Variants in DOCK4 observed in about 807,000 individuals in gnomAD.
The protein encoded by DOCK4 is dedicator of cytokinesis protein 4.
DOCK4 carries 97 observed loss-of-function variants against 268.1 expected under a neutral mutation model. The ratio of observed to expected loss-of-function variants is 0.36; its 90% CI spans 0.31 to 0.43. The LOEUF (loss-of-function observed/expected upper bound fraction) is 0.43, where lower values mean the gene tolerates loss of function less well. Ranked by LOEUF, DOCK4 falls within the 20% of genes least tolerant of loss-of-function variation. DOCK4 has a pLI of 1.00. For synonymous variants in DOCK4, 954 were observed against 887.2 expected (o/e 1.08, Z -1.34); for missense variants, 2,145 against 2,455.7 (o/e 0.87, Z 2.67).
chr7:111,815,068 A>G (rs1272363847), intron 27 of DOCK4, among the ~76,000 whole-genome samples: 1 of 152,236 alleles, frequency 6.6e-6, no homozygotes, highest in Non-Finnish European at 1.5e-5. Context: ...ATCAAAATTA[A>G]ATTATTTTAC....
At chr7:111,878,872 G>A (rs540978649) in intron 16 of DOCK4, among the ~76,000 whole-genome samples, 11 of 152,196 alleles carry the variant, frequency 7.2e-5, no homozygotes, top group African/African-American at 2.2e-4. Context: ...TGGGTCCTAG[G>A]TAAACTTAAA....
chr7:111,848,428 C>T (rs1341388715), intron 23 of DOCK4, among the ~76,000 whole-genome samples: 2 of 152,188 alleles, frequency 1.3e-5, no homozygotes, highest in Non-Finnish European at 2.9e-5. Flanking sequence ...TTTTGAACAA[C>T]AGGTCTTGTA....
At chr7:111,959,626 C>G (rs1796709575) in intron 8 of DOCK4, among the ~76,000 whole-genome samples, 1 of 152,138 alleles carries the variant, frequency 6.6e-6, no homozygotes. Context: ...GGCCAAATAA[C>G]AATTCTCCCT....
intron 8 of DOCK4, among the ~76,000 whole-genome samples, chr7:111,976,192 G>A (rs56122449): frequency 0.026 from 1,167 of 45,024 alleles, 132 homozygotes; most frequent in African/African-American, 0.11. Context: ...ACACACACAC[G>A]CACACACGCA....
chr7:112,076,088 C>T (rs1808042894), intron 1 of DOCK4, among the ~76,000 whole-genome samples: 2 of 152,044 alleles, frequency 1.3e-5, no homozygotes, highest in African/African-American at 4.8e-5. Context: ...GACTTTAATG[C>T]TAAAAATATT....
intron 1 of DOCK4, among the ~76,000 whole-genome samples, chr7:112,092,500 C>T (rs573171727): frequency 3.9e-5 from 6 of 152,236 alleles, no homozygotes; most frequent in Admixed American, 3.3e-4. Context: ...CTCTTGCTAA[C>T]GACCTAACGG....
chr7:111,914,808 C>A (rs2134522345), intron 13 of DOCK4, among the ~76,000 whole-genome samples: 1 of 152,280 alleles, frequency 6.6e-6, no homozygotes, highest in East Asian at 1.9e-4. Flanking sequence ...TTATAATTTT[C>A]CTTATTACAA....
At position 111,832,772 on chromosome 7, in the gene DOCK4, G is replaced by A. The variant is rs551382815; in HGVS notation, c.2835+1816C>T. Among the ~76,000 whole-genome samples, 792 of 152,232 alleles carry A rather than the reference G, an allele frequency of 5.2e-3. 7 individuals are homozygous for A. The highest frequency in any genetic ancestry group is 5.3e-3 in the Non-Finnish European group (362 of 68,018). ...TGATCTCAGGTGATCCACCCACCTC[G>A]GCCTCCCAAAGTGCTGGGATTACAG... On this transcript the variant is annotated intron_variant, in intron 26 of 52. Coordinates refer to ENST00000428084, the MANE Select transcript of DOCK4 (RefSeq NM_001363540.2).
intron 44 of DOCK4, among the ~76,000 whole-genome samples, chr7:111,742,939 C>A (rs1796019528): frequency 6.6e-6 from 1 of 151,778 alleles, no homozygotes; most frequent in Non-Finnish European, 1.5e-5. Flanking sequence ...TTGTAGTGAG[C>A]CAAGATCATG....
chr7:112,153,566 A>C (rs1816305148), intron 1 of DOCK4, among the ~76,000 whole-genome samples: 1 of 152,186 alleles, frequency 6.6e-6, no homozygotes, highest in Non-Finnish European at 1.5e-5. Context: ...TTAAGTTTTC[A>C]GCTGTGTAAA....
At chr7:111,943,118 A>C (rs191581616) in intron 10 of DOCK4, among the ~76,000 whole-genome samples, 2 of 152,350 alleles carry the variant, frequency 1.3e-5, no homozygotes, top group East Asian at 3.9e-4. Flanking sequence ...TGAACTGGTA[A>C]ATGTTTTTTG....
intron 12 of DOCK4, among the ~76,000 whole-genome samples, chr7:111,920,562 A>G (rs1442319477): frequency 1.3e-5 from 2 of 152,020 alleles, no homozygotes; most frequent in Non-Finnish European, 2.9e-5. Flanking sequence ...TTATCATCCT[A>G]CTTCACTTTC....
chr7:112,128,134 C>A (rs1271958826), intron 1 of DOCK4, among the ~76,000 whole-genome samples: 2 of 152,232 alleles, frequency 1.3e-5, no homozygotes, highest in Non-Finnish European at 2.9e-5. Context: ...CTCTTAATAT[C>A]TTCTGGCAAG....
intron 21 of DOCK4, among the ~76,000 whole-genome samples, chr7:111,868,999 A>G (rs541777629): frequency 1.3e-5 from 2 of 152,278 alleles, no homozygotes; most frequent in Admixed American, 1.3e-4. Context: ...TCAGAAGACT[A>G]CCAGGGCTGT....
intron 1 of DOCK4, among the ~76,000 whole-genome samples, chr7:112,125,744 T>A (rs1399533146): frequency 6.6e-6 from 1 of 152,218 alleles, no homozygotes; most frequent in Non-Finnish European, 1.5e-5. Context: ...TAATTCATAC[T>A]TAACAAGCAT....
At chr7:111,735,507 C>T (rs1322601479) in intron 50 of DOCK4, among the ~76,000 whole-genome samples, 4 of 152,052 alleles carry the variant, frequency 2.6e-5, no homozygotes, top group African/African-American at 7.2e-5. Context: ...TAAAACTTGG[C>T]TTTTAGTAGA....
chr7:111,881,412 G>C (rs1314547942), intron 16 of DOCK4, among the ~76,000 whole-genome samples: 1 of 152,142 alleles, frequency 6.6e-6, no homozygotes, highest in Non-Finnish European at 1.5e-5. Context: ...TTATCCAAAA[G>C]ACAGGCAGTA....
chr7:112,016,272 G>C (rs935816556), intron 1 of DOCK4, among the ~76,000 whole-genome samples: 1 of 152,158 alleles, frequency 6.6e-6, no homozygotes, highest in Admixed American at 6.5e-5. Context: ...ATTTTGCAGA[G>C]TATCTCTAAA....
chr7:112,147,526 T>C (rs1309831943), intron 1 of DOCK4, among the ~76,000 whole-genome samples: 1 of 152,206 alleles, frequency 6.6e-6, no homozygotes, highest in Non-Finnish European at 1.5e-5. Context: ...TATTTTATTT[T>C]GAAATTGTTT....
Sources: gnomAD v4.1 joint callset for allele counts (sites outside exome capture counted in the v4.1 genomes callset) on GRCh38, gnomAD v4.1.1 for gene constraint, MANE v1.5 for transcripts, NCBI Gene and HGNC (gene_info 2026-07-23, HGNC 2026-07-21) for gene names.